CMSS1: variants seen among roughly 807,000 people sequenced by gnomAD.
The protein encoded by CMSS1 is cms1 ribosomal small subunit homolog, also known as protein CMSS1.
In CMSS1, 33 loss-of-function variants were observed where a neutral mutation model predicts 43.5. The ratio of observed to expected loss-of-function variants is 0.76; its 90% CI spans 0.57 to 1.01. The LOEUF is 1.01. Ranked by LOEUF, CMSS1 falls within the 50% of genes least tolerant of loss-of-function variation. CMSS1 has a pLI of 0.00. For synonymous variants in CMSS1, 115 were observed against 117.2 expected, an observed-to-expected ratio of 0.98 and a Z score of 0.12; for missense variants, 313 against 326.4, an observed-to-expected ratio of 0.96 and a Z score of 0.32.
intron 1 of CMSS1, among the ~76,000 whole-genome samples, chr3:99,985,245 T>G (rs1448760846): frequency 6.6e-6 from 1 of 152,122 alleles, no homozygotes; most frequent in African/African-American, 2.4e-5. Flanking sequence ...AAGAAAGTGA[T>G]CTAGGGCCCA....
At chr3:100,090,439 A>T (rs906416386) in intron 1 of CMSS1, among the ~76,000 whole-genome samples, 2 of 152,226 alleles carry the variant, frequency 1.3e-5, no homozygotes, top group Non-Finnish European at 2.9e-5. Flanking sequence ...TTTTCTAAGA[A>T]ATTTAGAGAA....
intron 1 of CMSS1, among the ~76,000 whole-genome samples, chr3:100,101,986 T>C (rs2066315567): frequency 6.6e-6 from 1 of 152,226 alleles, no homozygotes; most frequent in Non-Finnish European, 1.5e-5. Flanking sequence ...TTCCATGGTG[T>C]ATATGTGCCA....
chr3:99,976,272 A>G (rs1243012723), intron 1 of CMSS1, among the ~76,000 whole-genome samples: 2 of 152,244 alleles, frequency 1.3e-5, no homozygotes, highest in African/African-American at 2.4e-5. Flanking sequence ...GAGTAAAAAG[A>G]TACTGTGGCC....
intron 1 of CMSS1, among the ~76,000 whole-genome samples, chr3:99,878,723 T>C (rs776210354): frequency 4.3e-4 from 65 of 152,192 alleles, no homozygotes; most frequent in Non-Finnish European, 7.2e-4. Flanking sequence ...TCATCACCAT[T>C]TCACTTCAAA....
At position 100,007,403 on chromosome 3, in the gene CMSS1, G is replaced by A. The variant is rs2107183499; in HGVS notation, c.65-139570G>A. Among the ~76,000 whole-genome samples the A allele has an allele frequency of 3.9e-5, 6 of 152,220 alleles. 1 individual carries two copies. In the South Asian group the frequency reaches 1.2e-3, roughly 32 times the overall value. ...TTGCCATGGCTCGCTAATGCATTTT[G>A]TGTGAAATATCAAATTTTGGAAACC... On this transcript the variant is annotated intron_variant, in intron 1 of 9. Coordinates refer to ENST00000421999, the MANE Select transcript of CMSS1 (RefSeq NM_032359.4).
chr3:99,842,060 A>G (rs896558565), intron 1 of CMSS1, among the ~76,000 whole-genome samples: 6 of 152,304 alleles, frequency 3.9e-5, no homozygotes, highest in South Asian at 2.1e-4. Context: ...ACAATTCGCA[A>G]TTGCAAAAAT....
chr3:99,829,535 A>G (rs1254121664), intron 1 of CMSS1, among the ~76,000 whole-genome samples: 1 of 152,242 alleles, frequency 6.6e-6, no homozygotes, highest in Non-Finnish European at 1.5e-5. Flanking sequence ...CCTGTTTTAC[A>G]TGTGGAAACT....
chr3:99,984,971 T>A (rs1709287924), intron 1 of CMSS1, among the ~76,000 whole-genome samples: 1 of 152,152 alleles, frequency 6.6e-6, no homozygotes, highest in African/African-American at 2.4e-5. Flanking sequence ...AGAAAAGATT[T>A]AGTGGAAATG....
Position 99,905,973 on chromosome 3 carries a change from A to G in CMSS1, c.64+87930A>G, listed in dbSNP as rs9824229. Among the ~76,000 whole-genome samples the G allele has an allele frequency of 5.0e-3, 760 of 152,258 alleles. 6 individuals are homozygous for G. Among genetic ancestry groups the G allele is most frequent in the African/African-American group, 0.017 (717 of 41,522 alleles). The stretch of plus-strand genomic sequence containing the variant: ...TTTGGGAGGCTGAGGCAGGCAGATC[A>G]CTTGAACTTAGAAGTTCAAGGCCAG... On this transcript the variant is annotated intron_variant, in intron 1 of 9. Coordinates refer to ENST00000421999, the MANE Select transcript of CMSS1 (RefSeq NM_032359.4).
At chr3:99,982,500 C>T (rs541834872) in intron 1 of CMSS1, among the ~76,000 whole-genome samples, 2 of 152,190 alleles carry the variant, frequency 1.3e-5, no homozygotes, top group South Asian at 2.1e-4. Context: ...GCCACCACGC[C>T]CAGCTAATTT....
At chr3:99,992,441 ATGTT>A (rs1709551992) in intron 1 of CMSS1, among the ~76,000 whole-genome samples, 1 of 151,908 alleles carries the variant, frequency 6.6e-6, no homozygotes, top group African/African-American at 2.4e-5. Context: ...GAATTTTTTC[ATGTT>A]TGTTGGCTGC....
intron 1 of CMSS1, among the ~76,000 whole-genome samples, chr3:100,030,124 A>G (rs560441372): frequency 1.3e-5 from 2 of 152,318 alleles, no homozygotes; most frequent in East Asian, 3.9e-4. Flanking sequence ...AGCACCAAAC[A>G]CTTGCCTAAA....
intron 1 of CMSS1, among the ~76,000 whole-genome samples, chr3:99,959,964 C>T (rs765544483): frequency 6.6e-6 from 1 of 152,078 alleles, no homozygotes; most frequent in Non-Finnish European, 1.5e-5. Flanking sequence ...CTGTCACTTG[C>T]AGAAAAAAAG....
intron 1 of CMSS1, among the ~76,000 whole-genome samples, chr3:99,969,950 A>G (rs1405240966): frequency 2.6e-5 from 4 of 152,250 alleles, no homozygotes; most frequent in African/African-American, 9.6e-5. Context: ...GGATAATATG[A>G]AATTCAACAA....
intron 1 of CMSS1, among the ~76,000 whole-genome samples, chr3:100,098,441 C>G (rs1343915076): frequency 6.6e-6 from 1 of 152,138 alleles, no homozygotes; most frequent in Non-Finnish European, 1.5e-5. Flanking sequence ...TCACAGGATT[C>G]TTGAAATTAA....
intron 1 of CMSS1, among the ~76,000 whole-genome samples, chr3:99,919,579 A>C (rs935597867): frequency 6.6e-6 from 1 of 151,798 alleles, no homozygotes; most frequent in African/African-American, 2.4e-5. Context: ...TATTTCAAGG[A>C]GGTTTCCAAA....
chr3:99,929,817 G>A, intron 1 of CMSS1: 1 of 1,498,910 alleles, frequency 6.7e-7, no homozygotes, highest in Non-Finnish European at 9.0e-7. Context: ...GCTAGTGCTT[G>A]GCTGCCTCCC....
intron 1 of CMSS1, among the ~76,000 whole-genome samples, chr3:99,872,440 T>C (rs1320920564): frequency 1.3e-5 from 2 of 152,068 alleles, no homozygotes; most frequent in Non-Finnish European, 2.9e-5. Flanking sequence ...CTTTTGCTGA[T>C]AATAACTCCT....
chr3:99,859,198 T>A (rs1360885932), intron 1 of CMSS1, among the ~76,000 whole-genome samples: 1 of 152,266 alleles, frequency 6.6e-6, no homozygotes, highest in Admixed American at 6.5e-5. Context: ...TGACATTTAA[T>A]TCATTTCAGA....
Sources: allele counts gnomAD v4.1 joint callset (sites outside exome capture counted in the v4.1 genomes callset), GRCh38; gene constraint gnomAD v4.1.1; transcripts MANE v1.5; gene names NCBI Gene and HGNC (gene_info 2026-07-23, HGNC 2026-07-21).